The following COL5A2 variants were observed in gnomAD, a reference collection of about 807,000 sequenced individuals.
The protein encoded by COL5A2 is collagen type V alpha 2 chain.
A neutral mutation model predicts 208.2 loss-of-function variants in COL5A2; 23 were observed. That is an observed-to-expected ratio of 0.11 (90% CI 0.08 to 0.16). The LOEUF (loss-of-function observed/expected upper bound fraction) is 0.16. COL5A2 is among the 10% of genes least tolerant of loss of function. The probability of loss-of-function intolerance (pLI) is 1.00; values close to 1 mark genes in which losing one functional copy is unlikely to be tolerated. For missense variants in COL5A2, 1,590 were observed against 1,956.4 expected (o/e 0.81, Z 3.53); for synonymous variants, 625 against 628.5 (o/e 0.99, Z 0.08).
chr2:189,036,514 T>G, intron 52 of COL5A2, 102 bp downstream of exon 52: 1 of 917,102 alleles, frequency 1.1e-6, no homozygotes, highest in Non-Finnish European at 1.7e-6. Context: ...CATGGTAAAA[T>G]AAGCCTGGTT....
the COL5A2 span, among the ~76,000 whole-genome samples, chr2:189,419,021 C>T: frequency 6.6e-6 from 1 of 152,222 alleles, no homozygotes. Flanking sequence ...ACCCAAACCC[C>T]CAAGGGTAAC....
the COL5A2 span, among the ~76,000 whole-genome samples, chr2:189,332,306 T>C: frequency 6.6e-6 from 1 of 152,194 alleles, no homozygotes; most frequent in Non-Finnish European, 1.5e-5. Context: ...TCGGCATTAA[T>C]AGAGCACTAT....
chr2:189,233,948 C>T, the COL5A2 span, among the ~76,000 whole-genome samples: 1 of 151,676 alleles, frequency 6.6e-6, no homozygotes, highest in Admixed American at 6.6e-5. Context: ...TATGCATTTG[C>T]TCTTTCAGTC....
At chr2:189,199,814 G>A (rs1003859289) in intron 1 of COL5A2, among the ~76,000 whole-genome samples, 4 of 152,164 alleles carry the variant, frequency 2.6e-5, no homozygotes, top group Admixed American at 2.0e-4. Context: ...AAGTGTACTT[G>A]GATTTCTCAT....
the COL5A2 span, among the ~76,000 whole-genome samples, chr2:189,287,400 G>A: frequency 6.6e-6 from 1 of 151,722 alleles, no homozygotes; most frequent in Non-Finnish European, 1.5e-5. Flanking sequence ...CAAGCACAAT[G>A]GACACAGGAT....
the COL5A2 span, chr2:189,312,047 G>T: frequency 2.6e-6 from 2 of 757,640 alleles, no homozygotes; most frequent in South Asian, 2.7e-5. Context: ...ACTTGACTCT[G>T]AAGTCATCAG....
At chr2:189,220,474 A>C (rs1466654875) in intron 1 of COL5A2, among the ~76,000 whole-genome samples, 17 of 152,034 alleles carry the variant, frequency 1.1e-4, no homozygotes, top group Admixed American at 1.1e-3. Context: ...TATTAACAAA[A>C]AAAAAAAAGG....
At chr2:189,440,426 T>G in the COL5A2 span, among the ~76,000 whole-genome samples, 2 of 152,224 alleles carry the variant, frequency 1.3e-5, no homozygotes. Context: ...GAACAACATG[T>G]TACTGTACTC....
At chr2:189,035,752 C>T (rs1013424328) in intron 52 of COL5A2, among the ~76,000 whole-genome samples, 5 of 151,972 alleles carry the variant, frequency 3.3e-5, no homozygotes, top group Admixed American at 1.3e-4. Flanking sequence ...CAGATACTAG[C>T]TTATCTTGTA....
intron 17 of COL5A2, among the ~76,000 whole-genome samples, chr2:189,073,502 C>T (rs962292330): frequency 6.6e-6 from 1 of 152,038 alleles, no homozygotes; most frequent in Non-Finnish European, 1.5e-5. Flanking sequence ...CTGAGTCTAC[C>T]TCTAGAGATT....
At chr2:189,166,873 T>A (rs1237075037) in intron 1 of COL5A2, among the ~76,000 whole-genome samples, 1 of 152,228 alleles carries the variant, frequency 6.6e-6, no homozygotes, top group Non-Finnish European at 1.5e-5. Context: ...ATAGGGCATC[T>A]GGACTATATT....
the COL5A2 span, among the ~76,000 whole-genome samples, chr2:189,351,314 T>C: frequency 6.6e-6 from 1 of 152,194 alleles, no homozygotes; most frequent in African/African-American, 2.4e-5. Flanking sequence ...GTATTCACAA[T>C]GAAGTTTTTG....
At chr2:189,217,480 A>C (rs1689293752) in intron 1 of COL5A2, among the ~76,000 whole-genome samples, 1 of 152,104 alleles carries the variant, frequency 6.6e-6, no homozygotes, top group Non-Finnish European at 1.5e-5. Context: ...TTGGGGAAAC[A>C]CTTACTTTTG....
At chr2:189,318,143 T>A in the COL5A2 span, among the ~76,000 whole-genome samples, 1 of 152,228 alleles carries the variant, frequency 6.6e-6, no homozygotes, top group Non-Finnish European at 1.5e-5. Flanking sequence ...AACACCTGTG[T>A]CTGCAAACAC....
At chr2:189,294,462 C>T in the COL5A2 span, among the ~76,000 whole-genome samples, 1 of 152,132 alleles carries the variant, frequency 6.6e-6, no homozygotes, top group Non-Finnish European at 1.5e-5. Context: ...ATCTGATACC[C>T]CTTTTTAGTT....
At chr2:189,393,768 A>C in the COL5A2 span, among the ~76,000 whole-genome samples, 2 of 152,224 alleles carry the variant, frequency 1.3e-5, no homozygotes, top group Non-Finnish European at 2.9e-5. Context: ...AATTGCCAGA[A>C]GAAATGAACT....
chr2:189,067,539 C>A (rs1686180364), intron 21 of COL5A2, among the ~76,000 whole-genome samples: 1 of 152,064 alleles, frequency 6.6e-6, no homozygotes, highest in African/African-American at 2.4e-5. Flanking sequence ...AATATTTTTT[C>A]TAATAAATAA....
At chr2:189,267,853 C>T in the COL5A2 span, among the ~76,000 whole-genome samples, 1 of 152,188 alleles carries the variant, frequency 6.6e-6, no homozygotes, top group African/African-American at 2.4e-5. Context: ...AAACCCACCA[C>T]CAAAAGATTC....
chr2:189,331,949 C>CAAAA, the COL5A2 span, among the ~76,000 whole-genome samples: 12 of 83,540 alleles, frequency 1.4e-4, no homozygotes, highest in Non-Finnish European at 1.6e-4. Flanking sequence ...GACTCCGTCT[C>CAAAA]AAAAAAAAAA....
Sources: allele counts gnomAD v4.1 joint callset (sites outside exome capture counted in the v4.1 genomes callset), GRCh38; gene constraint gnomAD v4.1.1; transcripts MANE v1.5; gene names NCBI Gene and HGNC (gene_info 2026-07-23, HGNC 2026-07-21).